WWTR1: variants seen among roughly 807,000 people sequenced by gnomAD.
WWTR1 encodes WW domain-containing transcription regulator protein 1.
WWTR1 carries 13 observed loss-of-function variants against 40.1 expected under a neutral mutation model. The observed-to-expected ratio is 0.32, with a 90% CI of 0.21 to 0.52. WWTR1 has a LOEUF of 0.52. Ranked by LOEUF, WWTR1 falls within the 20% of genes least tolerant of loss-of-function variation. The pLI is 0.97. For synonymous variants in WWTR1, 230 were observed against 210.1 expected (o/e 1.09, Z -0.82); for missense variants, 436 against 523.1 (o/e 0.83, Z 1.63).
chr3:149,607,467 G>A (rs181493817), intron 2 of WWTR1, among the ~76,000 whole-genome samples: 163 of 152,026 alleles, frequency 1.1e-3, no homozygotes, highest in Non-Finnish European at 1.9e-3. Flanking sequence ...GGCACACGCC[G>A]CAATGCCCGG....
chr3:149,680,139 TA>T (rs1343982392), intron 1 of WWTR1, among the ~76,000 whole-genome samples: 1 of 152,222 alleles, frequency 6.6e-6, no homozygotes, highest in African/African-American at 2.4e-5. Context: ...GGGGCACTAC[TA>T]ATCATTATAT....
intron 4 of WWTR1, among the ~76,000 whole-genome samples, chr3:149,532,937 G>C (rs1181717561): frequency 1.3e-5 from 2 of 152,206 alleles, no homozygotes; most frequent in African/African-American, 2.4e-5. Context: ...GTTGGTCAAG[G>C]CTGGCTGAGG....
chr3:149,557,774 G>A (rs1576557949), intron 3 of WWTR1, among the ~76,000 whole-genome samples: 2 of 152,000 alleles, frequency 1.3e-5, no homozygotes, highest in African/African-American at 2.4e-5. Context: ...AGGCTGAGGC[G>A]GGAGGATCAC....
At chr3:149,706,251 AT>A (rs1715333844), upstream of WWTR1, among the ~76,000 whole-genome samples, 1 of 152,094 alleles carries the variant, frequency 6.6e-6, no homozygotes, top group Non-Finnish European at 1.5e-5. Flanking sequence ...TCACATGTAA[AT>A]TTTTCGTGCA....
intron 2 of WWTR1, among the ~76,000 whole-genome samples, chr3:149,602,643 C>T (rs1739292062): frequency 6.6e-6 from 1 of 152,196 alleles, no homozygotes; most frequent in African/African-American, 2.4e-5. Flanking sequence ...CACACTGACA[C>T]TCAATTGGTG....
intron 6 of WWTR1, 151 bp downstream of exon 6, chr3:149,525,862 A>G: frequency 2.2e-6 from 1 of 450,156 alleles, no homozygotes; most frequent in Non-Finnish European, 3.8e-6. Flanking sequence ...GCATCACATA[A>G]CCATGTAGCA....
intron 4 of WWTR1, among the ~76,000 whole-genome samples, chr3:149,541,291 G>A (rs568858534): frequency 2.6e-5 from 4 of 152,318 alleles, no homozygotes; most frequent in African/African-American, 9.6e-5. Flanking sequence ...CACTGAAACA[G>A]GGAGAGCACT....
At chr3:149,689,923 A>T (rs1223771589) in intron 1 of WWTR1, among the ~76,000 whole-genome samples, 1 of 152,190 alleles carries the variant, frequency 6.6e-6, no homozygotes, top group Non-Finnish European at 1.5e-5. Context: ...TAAGATATAG[A>T]TAGTATAATA....
intron 2 of WWTR1, among the ~76,000 whole-genome samples, chr3:149,590,393 T>G (rs1275598322): frequency 6.6e-6 from 1 of 152,168 alleles, no homozygotes; most frequent in South Asian, 2.1e-4. Flanking sequence ...CTTACACCTG[T>G]AATCCCAGCA....
At chr3:149,718,921 G>A (rs985230815) in intron 4 of WWTR1, among the ~76,000 whole-genome samples, 2 of 151,822 alleles carry the variant, frequency 1.3e-5, no homozygotes, top group Admixed American at 6.6e-5. Flanking sequence ...TGCCTCCCAG[G>A]TTCAAGCGGT....
At chr3:149,569,004 G>C (rs1737496354) in intron 3 of WWTR1, among the ~76,000 whole-genome samples, 1 of 152,172 alleles carries the variant, frequency 6.6e-6, no homozygotes, top group Non-Finnish European at 1.5e-5. Context: ...CTGACCTCGT[G>C]ATCCTCCCAC....
rs138817159 is a variant in WWTR1 at position 149,646,332 on chromosome 3, T to G, written c.431+10544A>C. ...AGTCCTATGGTGGATGGCTTATACA[T>G]AGCTCACACCACATGTGACTCACCA... On this transcript the variant is annotated intron_variant, in intron 2 of 6. Coordinates refer to ENST00000360632, the MANE Select transcript of WWTR1 (RefSeq NM_015472.6). Among the ~76,000 whole-genome samples, 1,157 of 152,340 alleles carry G rather than the reference T, an allele frequency of 7.6e-3. 2 individuals are homozygous for G. Among genetic ancestry groups the G allele is most frequent in the South Asian group, 0.012 (60 of 4,830 alleles).
At chr3:149,545,750 GC>G (rs1196174402) in intron 3 of WWTR1, among the ~76,000 whole-genome samples, 1 of 152,144 alleles carries the variant, frequency 6.6e-6, no homozygotes. Context: ...CCAACTCCTG[GC>G]CTCGAGTGAT....
chr3:149,654,970 CA>C (rs1576625487), intron 2 of WWTR1, among the ~76,000 whole-genome samples: 1 of 149,114 alleles, frequency 6.7e-6, no homozygotes, highest in Admixed American at 6.7e-5. Context: ...AAAAAAAATA[CA>C]AAAAAGTAGC....
At position 149,520,899 on chromosome 3, in the gene WWTR1, T is replaced by C; in HGVS notation, c.1109A>G (p.Asp370Gly). 2 of 1,613,644 alleles carry C rather than the reference T, an allele frequency of 1.2e-6. No individual in the cohort carries two copies. Among genetic ancestry groups the C allele is most frequent in the Non-Finnish European group, 1.7e-6 (2 of 1,179,824 alleles). The change falls in exon 7 of 7, where the codon GAC becomes GGC. Residue 370 changes from aspartate to glycine, a missense_variant. Coordinates refer to ENST00000360632, the MANE Select transcript of WWTR1 (RefSeq NM_015472.6). Reference sequence around the variant, plus strand: ...GTCTTCAGATTCCAAAGTTCCTAAGTCAACGTTTGTTCCTGGAAGACAGTC... The same window carrying C: ...GTCTTCAGATTCCAAAGTTCCTAAGCCAACGTTTGTTCCTGGAAGACAGTC... ...FLDCLPGTNV[D>G]LGTLESEDLI...
At chr3:149,582,366 A>C (rs1273988807) in intron 2 of WWTR1, among the ~76,000 whole-genome samples, 2 of 152,130 alleles carry the variant, frequency 1.3e-5, no homozygotes, top group African/African-American at 2.4e-5. Context: ...GCTGCGTTGC[A>C]AACAATTTTA....
chr3:149,602,734 G>A (rs1196454797), intron 2 of WWTR1, among the ~76,000 whole-genome samples: 3 of 152,060 alleles, frequency 2.0e-5, no homozygotes, highest in Non-Finnish European at 4.4e-5. Context: ...GCACGATCTC[G>A]GCTCACTGCA....
rs139579317 is a variant in WWTR1, at chr3:149,679,094, G to C, written c.-107-9203C>G. Among the ~76,000 whole-genome samples the C allele has an allele frequency of 6.1e-3, 932 of 152,262 alleles. 3 individuals are homozygous for C. Among genetic ancestry groups the C allele is most frequent in the African/African-American group, 0.022 (903 of 41,566 alleles). On this transcript the variant is annotated intron_variant, in intron 1 of 7. Coordinates refer to the WWTR1 transcript ENST00000465804. ...GATCTGCCCGCCTTGGCCTCCCAAA[G>C]TGCTGGGATTACAGGCATGAGCCAC...
intron 2 of WWTR1, among the ~76,000 whole-genome samples, chr3:149,607,920 T>TA (rs1165102919): frequency 6.6e-6 from 1 of 152,206 alleles, no homozygotes; most frequent in Non-Finnish European, 1.5e-5. Flanking sequence ...AAAGTACGAA[T>TA]AAAACCATCT....
Sources: allele counts gnomAD v4.1 joint callset (sites outside exome capture counted in the v4.1 genomes callset), GRCh38; gene constraint gnomAD v4.1.1; transcripts MANE v1.5; gene names NCBI Gene and HGNC (gene_info 2026-07-23, HGNC 2026-07-21).